The following CYB5R4 variants were observed in gnomAD, a reference collection of about 807,000 sequenced individuals.
CYB5R4 encodes N-terminal cytochrome b5 and cytochrome b5 oxidoreductase domain-containing protein.
A neutral mutation model predicts 70.2 loss-of-function variants in CYB5R4; 55 were observed. The observed-to-expected ratio is 0.78, with a 90% CI of 0.63 to 0.98. CYB5R4 has a LOEUF of 0.98. Among genes scored for constraint, CYB5R4 ranks in the 50% least tolerant of loss-of-function variants. The pLI is 0.00. For missense variants in CYB5R4, 562 were observed against 612.6 expected (o/e 0.92, Z 0.87); for synonymous variants, 197 against 199.5 (o/e 0.99, Z 0.11).
intron 5 of CYB5R4, among the ~76,000 whole-genome samples, chr6:83,915,997 A>T (rs779759447): frequency 1.9e-4 from 29 of 152,164 alleles, no homozygotes; most frequent in Non-Finnish European, 4.0e-4. Context: ...TTCACCCCGT[A>T]TTCTTTCAAC....
chr6:83,883,923 C>G (rs9359572), intron 2 of CYB5R4, among the ~76,000 whole-genome samples: 74,681 of 151,672 alleles, frequency 0.49, 22,768 homozygotes, highest in Non-Finnish European at 0.66. Flanking sequence ...ATATATACTA[C>G]AGTTCCTAGA....
intron 6 of CYB5R4, among the ~76,000 whole-genome samples, chr6:83,918,906 G>T (rs1164012144): frequency 1.3e-5 from 2 of 152,090 alleles, no homozygotes; most frequent in African/African-American, 4.8e-5. Flanking sequence ...TGCAAAAAGA[G>T]TATCAATTTG....
At chr6:83,910,164 G>A (rs2099464449) in intron 4 of CYB5R4, 2 of 1,581,488 alleles carry the variant, frequency 1.3e-6, no homozygotes, top group Non-Finnish European at 1.7e-6. Flanking sequence ...TACTGTCACA[G>A]CACTGTGAGC....
intron 14 of CYB5R4, among the ~76,000 whole-genome samples, chr6:83,947,755 A>G (rs774604894): frequency 1.8e-4 from 27 of 152,208 alleles, no homozygotes; most frequent in Non-Finnish European, 3.2e-4. Context: ...ACTTTCCAAT[A>G]GAAGACATTT....
chr6:83,954,063 T>C (rs1394419663), intron 14 of CYB5R4, among the ~76,000 whole-genome samples: 1 of 152,050 alleles, frequency 6.6e-6, no homozygotes, highest in Non-Finnish European at 1.5e-5. Context: ...TATAAAAGAA[T>C]TTCAGGATGT....
chr6:83,912,940 T>A (rs2099464919), intron 4 of CYB5R4, among the ~76,000 whole-genome samples: 1 of 152,152 alleles, frequency 6.6e-6, no homozygotes, highest in Non-Finnish European at 1.5e-5. Flanking sequence ...TCTGACAGAT[T>A]CAAATCTATT....
intron 2 of CYB5R4, among the ~76,000 whole-genome samples, chr6:83,865,707 G>A (rs2099456620): frequency 6.6e-6 from 1 of 152,152 alleles, no homozygotes; most frequent in Admixed American, 6.5e-5. Flanking sequence ...CTGAGCTACT[G>A]ATGGTTAGGA....
rs148442521 is a variant in CYB5R4, at chr6:83,896,904, C to A, written c.330+3282C>A. ...CATTCCCAACAACAGTGTGTGAGTT[C>A]CATTTTCTTTTTTTTTTTATTATAC... is the stretch of plus-strand genomic sequence containing the variant. On this transcript the variant is annotated intron_variant, in intron 3 of 15. Coordinates refer to ENST00000369681, the MANE Select transcript of CYB5R4 (RefSeq NM_016230.4). Among the ~76,000 whole-genome samples, 31 of 151,606 alleles carry A rather than the reference C, an allele frequency of 2.0e-4. No individual in the cohort carries two copies. In the East Asian group the frequency reaches 6.0e-3, roughly 29 times the overall value.
chr6:83,934,523 C>G (rs2099468629), intron 10 of CYB5R4, 72 bp from the exon 11 acceptor site: 3 of 1,114,288 alleles, frequency 2.7e-6, no homozygotes, highest in African/African-American at 3.1e-5. Flanking sequence ...TGAGTATATG[C>G]TTTCTCTTAG....
intron 2 of CYB5R4, among the ~76,000 whole-genome samples, chr6:83,865,948 A>G (rs2099456661): frequency 6.6e-6 from 1 of 152,166 alleles, no homozygotes; most frequent in Admixed American, 6.5e-5. Context: ...TCCTTTTGAC[A>G]TTTTATAGGG....
intron 11 of CYB5R4, among the ~76,000 whole-genome samples, chr6:83,935,485 G>A (rs2099468778): frequency 6.6e-6 from 1 of 152,042 alleles, no homozygotes; most frequent in Admixed American, 6.5e-5. Context: ...TCAAGAGCTG[G>A]TATCTTCTCC....
chr6:83,904,154 A>G (rs185530725), intron 3 of CYB5R4, among the ~76,000 whole-genome samples: 87 of 152,178 alleles, frequency 5.7e-4, no homozygotes, highest in Admixed American at 9.8e-4. Context: ...AAATCTGTCA[A>G]CTTTTTTGGA....
In CYB5R4 at chr6:83,864,304, G is replaced by A; in HGVS notation, c.205G>A (p.Asp69Asn). 4 of 1,612,420 alleles carry A rather than the reference G, an allele frequency of 2.5e-6. No homozygotes were observed. Among genetic ancestry groups the A allele is most frequent in the Non-Finnish European group, 3.4e-6 (4 of 1,179,334 alleles). ...EEELKKHNKK[D>N]DCWICIRGFV... Reference sequence around the variant, plus strand: ...AGAACTTAAGAAACACAACAAAAAAGATGATTGTTGGATATGCATAAGAGG... The same window carrying A: ...AGAACTTAAGAAACACAACAAAAAAAATGATTGTTGGATATGCATAAGAGG... The change falls in exon 2 of 16, where the codon GAT becomes AAT. Residue 69 changes from aspartate to asparagine, a missense_variant. Asp to Asn is a conservative substitution (Grantham distance 23). Transcript: ENST00000369681.
intron 10 of CYB5R4, among the ~76,000 whole-genome samples, chr6:83,933,954 A>C (rs575236593): frequency 1.3e-5 from 2 of 152,198 alleles, no homozygotes; most frequent in African/African-American, 4.8e-5. Flanking sequence ...TTCTCTAATC[A>C]TGTATATAAA....
intron 2 of CYB5R4, 136 bp downstream of exon 2, chr6:83,864,464 A>G (rs1280208262): frequency 1.4e-6 from 1 of 697,638 alleles, no homozygotes; most frequent in African/African-American, 1.8e-5. Flanking sequence ...ACAATAACTT[A>G]TATAATTCTG....
At chr6:83,906,120 TGTG>T in intron 3 of CYB5R4, among the ~76,000 whole-genome samples, 1 of 152,140 alleles carries the variant, frequency 6.6e-6, no homozygotes, top group Non-Finnish European at 1.5e-5. Flanking sequence ...AGACAGCAGT[TGTG>T]GTGATACCCT....
At chr6:83,922,850 G>A (rs930203171) in intron 9 of CYB5R4, among the ~76,000 whole-genome samples, 2 of 151,922 alleles carry the variant, frequency 1.3e-5, no homozygotes, top group Non-Finnish European at 2.9e-5. Flanking sequence ...CTGCAGCAGT[G>A]TGATCTTGGT....
chr6:83,875,255 A>G (rs557327482), intron 2 of CYB5R4, among the ~76,000 whole-genome samples: 11 of 151,520 alleles, frequency 7.3e-5, no homozygotes, highest in African/African-American at 2.4e-4. Flanking sequence ...GATATGTGCA[A>G]AACTTTTTAT....
At position 83,893,655 on chromosome 6, in the gene CYB5R4, G is replaced by A. The variant is rs747956718; in HGVS notation, c.330+33G>A. On this transcript the variant is annotated intron_variant, in intron 3 of 15. Coordinates refer to ENST00000369681, the MANE Select transcript of CYB5R4 (RefSeq NM_016230.4). Reference sequence around the variant, plus strand: ...GTGCTGAAAGTAACCAAAGTATTCCGGTGGAAGAGTACTCAGATTTATCAG... The same window carrying A: ...GTGCTGAAAGTAACCAAAGTATTCCAGTGGAAGAGTACTCAGATTTATCAG... The A allele has an allele frequency of 1.1e-4, 130 of 1,222,236 alleles. 1 individual carries two copies. Among genetic ancestry groups the A allele is most frequent in the Middle Eastern group, 1.9e-4 (1 of 5,266 alleles). The allele number at this position is 1,222,236 out of a possible 1,614,324, so 75.7% of individuals were successfully genotyped here.
Sources: allele counts gnomAD v4.1 joint callset (sites outside exome capture counted in the v4.1 genomes callset), GRCh38; gene constraint gnomAD v4.1.1; transcripts MANE v1.5; gene names NCBI Gene and HGNC (gene_info 2026-07-23, HGNC 2026-07-21).